The following ARID3A variants were observed in gnomAD, a reference collection of about 807,000 sequenced individuals.
ARID3A encodes AT-rich interaction domain 3A.
A neutral mutation model predicts 52.7 loss-of-function variants in ARID3A; 11 were observed. The ratio of observed to expected loss-of-function variants is 0.21; its 90% CI spans 0.13 to 0.35. ARID3A has a LOEUF of 0.35. Among genes scored for constraint, ARID3A ranks in the 10% least tolerant of loss-of-function variants. The pLI, the probability that ARID3A is intolerant of heterozygous loss-of-function variation, is 1.00. For missense variants in ARID3A, 721 were observed against 838.5 expected, an observed-to-expected ratio of 0.86 and a Z score of 1.73; for synonymous variants, 404 against 359.4, an observed-to-expected ratio of 1.12 and a Z score of -1.40.
In ARID3A at chr19:954,083, G is replaced by A. The variant is rs539849237; in HGVS notation, c.694-6009G>A. On this transcript the variant is annotated intron_variant, in intron 3 of 8. Transcript: ENST00000263620. ...TAGGGCAGCTCAAGGCCGGGGCGGA[G>A]GGAGCAGGAGAGGGCAGGGAGGGGC... Among the ~76,000 whole-genome samples the A allele has an allele frequency of 3.3e-5, 5 of 152,260 alleles. No homozygotes were observed. In the South Asian group the frequency reaches 6.2e-4, roughly 19 times the overall value.
chr19:953,614 G>C (rs1032292283), intron 3 of ARID3A, among the ~76,000 whole-genome samples: 3 of 152,222 alleles, frequency 2.0e-5, no homozygotes, highest in African/African-American at 7.2e-5. Flanking sequence ...GAAAACCAAA[G>C]AGGAATGAAG....
At chr19:939,161 C>A (rs1379696944) in intron 3 of ARID3A, among the ~76,000 whole-genome samples, 1 of 151,472 alleles carries the variant, frequency 6.6e-6, no homozygotes, top group Non-Finnish European at 1.5e-5. Flanking sequence ...GCTCTGTCAC[C>A]AGCCTGGAAT....
rs545052865 is a variant in ARID3A at position 941,047 on chromosome 19, C to T, written c.693+8305C>T. The stretch of plus-strand genomic sequence containing the variant: ...CCGCCTGGCCGTCGGGTCACCGCCG[C>T]GGGGTCACCGCCGCCGCGGCCTGGC... On this transcript the variant is annotated intron_variant, in intron 3 of 8. Transcript: ENST00000263620. This position sits in a 1 kb window ranked among gnomAD's most constrained non-coding sequence, Gnocchi z 6.9. Among the ~76,000 whole-genome samples the T allele has an allele frequency of 7.4e-4, 112 of 152,140 alleles. 1 individual carries two copies. The East Asian group carries it at 0.014, about 19-fold the overall frequency.
Position 960,106 on chromosome 19 carries a change from C to T in ARID3A, c.708C>T (p.Asp236=), listed in dbSNP as rs970653088. 7.4e-6 allele frequency: 12 copies of T among 1,612,894 alleles called. No individual in the cohort carries two copies. In the East Asian group the frequency reaches 1.8e-4, roughly 24 times the overall value. The change falls in exon 4 of 9, where the codon GAC becomes GAT. Residue 236 remains aspartate (D), a synonymous_variant. Coordinates refer to ENST00000263620, the MANE Select transcript of ARID3A (RefSeq NM_005224.3). The surrounding 1 kb of genome is among the most constrained non-coding windows in gnomAD (Gnocchi z 4.3). ...EEQFKQLYEL[D]GDPKRKEFLD... ...CACCCTCACAGCTCTACGAACTCGA[C>T]GGGGACCCCAAGAGGAAGGAATTCC... is the stretch of plus-strand genomic sequence containing the variant.
chr19:929,694 C>T lies in ARID3A; in HGVS notation c.166C>T (p.Arg56Trp), dbSNP rs781483243. 2.8e-5 allele frequency: 44 copies of T among 1,563,310 alleles called. 1 individual carries two copies. Among genetic ancestry groups the T allele is most frequent in the Admixed American group, 1.1e-4 (6 of 54,308 alleles). Residue 56 changes from arginine to tryptophan, a missense_variant, in exon 2 of 9, where the codon CGG (arginine) becomes TGG (tryptophan). Transcript: ENST00000263620. This position sits in a 1 kb window ranked among gnomAD's most constrained non-coding sequence, Gnocchi z 6.2. Reference protein sequence around the residue: ...DREPESARMQRAQMAALAAMR... With the variant: ...DREPESARMQWAQMAALAAMR... ...AGAGCCCGAGAGTGCCCGGATGCAG[C>T]GGGCTCAGATGGCCGCACTGGCAGC...
chr19:955,454 C>G (rs1021469058), intron 3 of ARID3A, among the ~76,000 whole-genome samples: 1 of 152,224 alleles, frequency 6.6e-6, no homozygotes, highest in Non-Finnish European at 1.5e-5. Flanking sequence ...GACCGTGCCT[C>G]GCCACCGGCC....
chr19:959,983 T>TCA lies in ARID3A; in HGVS notation c.694-109_694-108insCA. On this transcript the variant is annotated intron_variant, in intron 3 of 8. Transcript: ENST00000263620. The surrounding 1 kb of genome is among the most constrained non-coding windows in gnomAD (Gnocchi z 5.0). The stretch of plus-strand genomic sequence containing the variant: ...GGCAGCGGCTTGAGGGTCCTAGGGG[T>TCA]GGTGACCCCTGCTCCTGTCCTCCTG... 1.2e-6 allele frequency: 1 copy of TCA among 869,302 alleles called. No homozygotes were observed. Among genetic ancestry groups the TCA allele is most frequent in the South Asian group, 2.0e-5 (1 of 50,414 alleles). 53.8% of individuals were successfully genotyped at this position (869,302 alleles called of 1,614,324 possible).
At chr19:957,118 G>T (rs914151846) in intron 3 of ARID3A, among the ~76,000 whole-genome samples, 7 of 152,154 alleles carry the variant, frequency 4.6e-5, no homozygotes, top group Non-Finnish European at 8.8e-5. Flanking sequence ...GTGGGTGGGG[G>T]GGGGCGCTGG....
In ARID3A at chr19:936,824, G is replaced by A. The variant is rs142352611; in HGVS notation, c.693+4082G>A. Among the ~76,000 whole-genome samples the A allele has an allele frequency of 9.0e-3, 1,371 of 152,180 alleles. 26 individuals carry two copies. The highest frequency in any genetic ancestry group is 0.031 in the African/African-American group (1,304 of 41,496). On this transcript the variant is annotated intron_variant, in intron 3 of 8. Coordinates refer to ENST00000263620, the MANE Select transcript of ARID3A (RefSeq NM_005224.3). Reference sequence around the variant, plus strand: ...CCACTGCACTCCAGCCTGTGTGGCAGAGAGAGATTCTGTCTCTAAATAAAT... The same window carrying A: ...CCACTGCACTCCAGCCTGTGTGGCAAAGAGAGATTCTGTCTCTAAATAAAT...
chr19:958,301 C>T (rs1023030512), intron 3 of ARID3A, among the ~76,000 whole-genome samples: 2 of 150,582 alleles, frequency 1.3e-5, no homozygotes, highest in African/African-American at 4.9e-5. Context: ...GTGGCGGGCG[C>T]CTGTAGTCCC....
At chr19:927,311 C>T (rs1224202031) in intron 1 of ARID3A, among the ~76,000 whole-genome samples, 1 of 142,252 alleles carries the variant, frequency 7.0e-6, no homozygotes, top group East Asian at 2.0e-4. Flanking sequence ...ACAAAGGGCT[C>T]TTGGGGGGAG....
chr19:929,758 GC>G lies in ARID3A; in HGVS notation c.234del (p.Gly79AlafsTer45). The part of the protein sequence containing the change: ...AAAAGLGHPA[S>X]PGGSEDGPPG... ...GCTGCGGGCCTGGGACACCCAGCCA[GC>G]CCCGGCGGCTCTGAGGATGGGCCCC... is the stretch of plus-strand genomic sequence containing the variant. On this transcript the variant is annotated frameshift_variant, in exon 2 of 9. Transcript: ENST00000263620. LOFTEE classifies it high-confidence loss of function. The surrounding 1 kb of genome is among the most constrained non-coding windows in gnomAD (Gnocchi z 6.2). The G allele has an allele frequency of 1.3e-6, 2 of 1,552,682 alleles. No individual in the cohort carries two copies.
At chr19:955,501 C>G (rs2037898689) in intron 3 of ARID3A, among the ~76,000 whole-genome samples, 1 of 152,208 alleles carries the variant, frequency 6.6e-6, no homozygotes, top group South Asian at 2.1e-4. Flanking sequence ...GTTAATGGCT[C>G]CCCTCTCCAA....
At chr19:953,048 T>C (rs1457709421) in intron 3 of ARID3A, among the ~76,000 whole-genome samples, 1 of 152,104 alleles carries the variant, frequency 6.6e-6, no homozygotes, top group Non-Finnish European at 1.5e-5. Context: ...TGCAAACCTC[T>C]GGGGTCTTTT....
upstream of ARID3A, chr19:925,953 T>A (rs1463679622): frequency 7.7e-6 from 1 of 129,054 alleles, no homozygotes; most frequent in Non-Finnish European, 1.6e-5. Context: ...CGTCCCCTGG[T>A]GATTTGTCTG....
intron 1 of ARID3A, among the ~76,000 whole-genome samples, chr19:928,051 G>C (rs1238129178): frequency 6.6e-6 from 1 of 152,086 alleles, no homozygotes; most frequent in Admixed American, 6.5e-5. Flanking sequence ...TCGGGTCACA[G>C]GAGGGATCTG....
chr19:936,649 T>C (rs2037444893), intron 3 of ARID3A, among the ~76,000 whole-genome samples: 1 of 152,090 alleles, frequency 6.6e-6, no homozygotes, highest in Non-Finnish European at 1.5e-5. Flanking sequence ...GAGACCATCC[T>C]GGCTAACACG....
chr19:930,030 G>T (rs751222635), intron 2 of ARID3A, 134 bp downstream of exon 2: 3 of 1,289,352 alleles, frequency 2.3e-6, no homozygotes, highest in Admixed American at 2.4e-5. Flanking sequence ...TTGAGAGGCC[G>T]ACGTGGGAGG....
rs1175062674 is a variant in ARID3A at position 975,556 on chromosome 19, C to T, written c.*3491C>T. On this transcript the variant is annotated 3_prime_UTR_variant, in exon 9 of 9. Coordinates refer to ENST00000263620, the MANE Select transcript of ARID3A (RefSeq NM_005224.3). ...TTCAGTTTCTCTGGAGTTTGTCAGA[C>T]GGCGTGGGAACCACGCCTGAAACTC... 10 of 204,450 alleles carry T rather than the reference C, an allele frequency of 4.9e-5. No homozygotes were observed. The highest frequency in any genetic ancestry group is 1.2e-4 in the Admixed American group (2 of 16,716). The allele number at this position is 204,450 out of a possible 1,614,324, so 12.7% of individuals were successfully genotyped here. A position where few individuals can be genotyped will look rare whatever the true frequency, so the allele number is the denominator to read the frequency against.
Sources: allele counts gnomAD v4.1 joint callset (sites outside exome capture counted in the v4.1 genomes callset), GRCh38; gene constraint gnomAD v4.1.1; non-coding constraint Gnocchi (gnomAD v3.1); transcripts MANE v1.5; gene names NCBI Gene and HGNC (gene_info 2026-07-23, HGNC 2026-07-21).